Variants in KLF7 observed in about 807,000 individuals in gnomAD.
The protein encoded by KLF7 is KLF transcription factor 7.
A neutral mutation model predicts 27.3 loss-of-function variants in KLF7; 2 were observed. That is an observed-to-expected ratio of 0.07 (90% CI 0.03 to 0.23). The LOEUF (loss-of-function observed/expected upper bound fraction) is 0.23, where lower values mean the gene tolerates loss of function less well. Among genes scored for constraint, KLF7 ranks in the 10% least tolerant of loss-of-function variants. The pLI is 1.00. For missense variants in KLF7, 221 were observed against 394.1 expected, an observed-to-expected ratio of 0.56 and a Z score of 3.72; for synonymous variants, 165 against 162.4, an observed-to-expected ratio of 1.02 and a Z score of -0.12.
chr2:207,120,525 T>C lies in KLF7; in HGVS notation c.733+3249A>G, dbSNP rs182070424. 1.6e-3 allele frequency among the ~76,000 whole-genome samples: 245 copies of C among 152,350 alleles called. 1 individual carries two copies. The highest frequency in any genetic ancestry group is 6.8e-3 in the Middle Eastern group (2 of 294). Reference sequence around the variant, plus strand: ...GAACAAAATGCAAATACTTCTCTTCTTTCTCTGGGATGGTATTCTTATCTC... The same window carrying C: ...GAACAAAATGCAAATACTTCTCTTCCTTCTCTGGGATGGTATTCTTATCTC... On this transcript the variant is annotated intron_variant, in intron 2 of 3. Coordinates refer to ENST00000309446, the MANE Select transcript of KLF7 (RefSeq NM_003709.4).
intron 1 of KLF7, among the ~76,000 whole-genome samples, chr2:207,160,109 G>A (rs1347802539): frequency 6.6e-6 from 1 of 152,214 alleles, no homozygotes; most frequent in Non-Finnish European, 1.5e-5. Context: ...AATGTTACAT[G>A]TAACATGAAT....
intron 2 of KLF7, among the ~76,000 whole-genome samples, chr2:207,119,204 G>A (rs373694489): frequency 1.1e-3 from 163 of 152,260 alleles, no homozygotes; most frequent in Middle Eastern, 3.4e-3. Context: ...CTGCAAACAA[G>A]AATCAAAGAT....
chr2:207,132,714 ATCAAAGTGAGCTTTAAAG>A (rs1470869352), intron 1 of KLF7, among the ~76,000 whole-genome samples: 6 of 152,236 alleles, frequency 3.9e-5, no homozygotes, highest in South Asian at 2.1e-4. Flanking sequence ...TAAATTAACC[ATCAAAGTGAGCTTTAAAG>A]TCACATAACC....
At chr2:207,103,789 G>C (rs2076820083) in intron 2 of KLF7, among the ~76,000 whole-genome samples, 1 of 152,212 alleles carries the variant, frequency 6.6e-6, no homozygotes. Flanking sequence ...AGCCCTCGCA[G>C]GATTATCGTG....
Position 207,081,157 on chromosome 2 carries a change from A to G in KLF7, c.*56T>C. 1.3e-6 allele frequency: 2 copies of G among 1,527,362 alleles called. No homozygotes were observed. The highest frequency in any genetic ancestry group is 1.1e-5 in the South Asian group (1 of 89,248). The allele number at this position is 1,527,362 out of a possible 1,614,324, so 94.6% of individuals were successfully genotyped here. ...CGCCTGAAGTCCAGCCCCCTGCCTCATGGCGTTTCCTTTAGACACTAGCCG... is the reference window on the plus strand; with the variant it reads ...CGCCTGAAGTCCAGCCCCCTGCCTCGTGGCGTTTCCTTTAGACACTAGCCG... On this transcript the variant is annotated 3_prime_UTR_variant, in exon 4 of 4. Transcript: ENST00000309446.
At chr2:207,126,799 C>T (rs2077488147) in intron 1 of KLF7, among the ~76,000 whole-genome samples, 1 of 142,500 alleles carries the variant, frequency 7.0e-6, no homozygotes, top group South Asian at 2.3e-4. Flanking sequence ...CAGCGAGACC[C>T]TGTTTCTACC....
At chr2:207,166,853 C>G (rs1285037982), upstream of KLF7, 1 of 1,055,318 alleles carries the variant, frequency 9.5e-7, no homozygotes, top group Non-Finnish European at 1.1e-6. Flanking sequence ...AAGTGCCACA[C>G]AATGGGAGAG....
chr2:207,079,071 T>C lies in KLF7; in HGVS notation c.*2142A>G, dbSNP rs961884764. ...TTTCGTTTTGTATTATTTTGTTTTTTTTTTTGTTTTTGTTTTTGTTTTTTT... is the reference window on the plus strand; with the variant it reads ...TTTCGTTTTGTATTATTTTGTTTTTCTTTTTGTTTTTGTTTTTGTTTTTTT... On this transcript the variant is annotated 3_prime_UTR_variant, in exon 4 of 4. Coordinates refer to ENST00000309446, the MANE Select transcript of KLF7 (RefSeq NM_003709.4). The C allele has an allele frequency of 6.6e-6, 1 of 151,804 alleles. No individual in the cohort carries two copies. The highest frequency in any genetic ancestry group is 1.5e-5 in the Non-Finnish European group (1 of 67,934). The allele number at this position is 151,804 out of a possible 1,614,324, so 9.4% of individuals were successfully genotyped here. A position where few individuals can be genotyped will look rare whatever the true frequency, so the allele number is the denominator to read the frequency against.
At chr2:207,094,386 T>G (rs954771498) in intron 2 of KLF7, among the ~76,000 whole-genome samples, 4 of 152,148 alleles carry the variant, frequency 2.6e-5, no homozygotes, top group Non-Finnish European at 5.9e-5. Flanking sequence ...GTTCTAGACA[T>G]TTAGGTATGT....
intron 1 of KLF7, among the ~76,000 whole-genome samples, chr2:207,144,378 T>TTTTC (rs2106076220): frequency 6.6e-6 from 1 of 152,298 alleles, no homozygotes; most frequent in South Asian, 2.1e-4. Flanking sequence ...TTTCACTCTG[T>TTTTC]TTTCTTGGGT....
intron 1 of KLF7, among the ~76,000 whole-genome samples, chr2:207,156,175 A>G (rs1476485492): frequency 6.6e-6 from 1 of 152,238 alleles, no homozygotes; most frequent in Non-Finnish European, 1.5e-5. Flanking sequence ...ATGTAGCTAC[A>G]GGACATACAA....
chr2:207,168,952 G>A (rs1920048), upstream of KLF7, among the ~76,000 whole-genome samples: 89,084 of 152,030 alleles, frequency 0.59, 27,623 homozygotes, highest in East Asian at 0.87. Context: ...ACCACTTACT[G>A]GTTGATTACC....
At position 207,121,780 on chromosome 2, in the gene KLF7, A is replaced by ATCAACCC. The variant is rs1559138766; in HGVS notation, c.733+1987_733+1993dup. 2 of 152,228 alleles carry ATCAACCC rather than the reference A, an allele frequency of 1.3e-5. 1 individual carries two copies. The highest frequency in any genetic ancestry group is 4.8e-5 in the African/African-American group (2 of 41,452). 9.4% of individuals were successfully genotyped at this position (152,228 alleles called of 1,614,324 possible). ...AAAAAAACAGAGCACCACATAATGT[A>ATCAACCC]TCAACCCTAACAGTCACCCTTCTGA... On this transcript the variant is annotated intron_variant, in intron 2 of 3. Coordinates refer to ENST00000309446, the MANE Select transcript of KLF7 (RefSeq NM_003709.4).
At chr2:207,149,051 T>C in intron 1 of KLF7, 1 of 1,194,920 alleles carries the variant, frequency 8.4e-7, no homozygotes. Flanking sequence ...TACAGCCAAC[T>C]CTGTGTTCCA....
chr2:207,104,317 T>C (rs1037979723), intron 2 of KLF7, among the ~76,000 whole-genome samples: 3 of 152,218 alleles, frequency 2.0e-5, no homozygotes, highest in African/African-American at 7.2e-5. Flanking sequence ...CTCGTGTAGA[T>C]ACACATATAG....
chr2:207,113,620 G>GGGGGA lies in KLF7; in HGVS notation c.733+10153_733+10154insTCCCC, dbSNP rs1491431908. On this transcript the variant is annotated intron_variant, in intron 2 of 3. Coordinates refer to ENST00000309446, the MANE Select transcript of KLF7 (RefSeq NM_003709.4). ...TGGAATGGGGGGTGGGGGGGGGGGGGAAATGATGCAGTTACCTAGCAACCA... is the reference window on the plus strand; with the variant it reads ...TGGAATGGGGGGTGGGGGGGGGGGGGGGGGAAAATGATGCAGTTACCTAGCAACCA... Among the ~76,000 whole-genome samples, 7 of 107,760 alleles carry GGGGGA rather than the reference G, an allele frequency of 6.5e-5. 1 individual carries two copies. Among genetic ancestry groups the GGGGGA allele is most frequent in the Middle Eastern group, 4.8e-3 (1 of 210 alleles). 70.7% of individuals were successfully genotyped at this position (107,760 alleles called of 152,430 possible). A position where few individuals can be genotyped will look rare whatever the true frequency, so the allele number is the denominator to read the frequency against.
At chr2:207,093,453 G>A (rs941980361) in intron 2 of KLF7, among the ~76,000 whole-genome samples, 3 of 152,052 alleles carry the variant, frequency 2.0e-5, no homozygotes, top group African/African-American at 7.2e-5. Flanking sequence ...CGCTCTGCCT[G>A]GAACACTCTT....
chr2:207,098,410 A>C (rs2076680665), intron 2 of KLF7, among the ~76,000 whole-genome samples: 1 of 152,200 alleles, frequency 6.6e-6, no homozygotes, highest in South Asian at 2.1e-4. Context: ...CATTTGTAGA[A>C]CATTTTCTTT....
rs2076187375 is a variant in KLF7, at chr2:207,077,022, T to G, written c.*4191A>C. 1 of 152,232 alleles carries G rather than the reference T, an allele frequency of 6.6e-6. No homozygotes were observed. The highest frequency in any genetic ancestry group is 1.5e-5 in the Non-Finnish European group (1 of 68,038). 9.4% of individuals were successfully genotyped at this position (152,232 alleles called of 1,614,324 possible). On this transcript the variant is annotated 3_prime_UTR_variant, in exon 4 of 4. Transcript: ENST00000309446. ...GATTTTTGTAGTTAAATGTGTTGCA[T>G]CTTTATCTTACTTTGCCTACCTTCT...
Sources: allele counts gnomAD v4.1 joint callset (sites outside exome capture counted in the v4.1 genomes callset), GRCh38; gene constraint gnomAD v4.1.1; transcripts MANE v1.5; gene names NCBI Gene and HGNC (gene_info 2026-07-23, HGNC 2026-07-21).